The following PAPPA2 variants were observed in gnomAD, a reference collection of about 807,000 sequenced individuals.
PAPPA2 encodes pappalysin-2.
Under a neutral mutation model 176.4 loss-of-function variants are expected in PAPPA2, and 86 were observed. That is an observed-to-expected ratio of 0.49 (90% CI 0.41 to 0.58). The LOEUF (loss-of-function observed/expected upper bound fraction) is 0.58, where lower values mean the gene tolerates loss of function less well. Ranked by LOEUF, PAPPA2 falls within the 20% of genes least tolerant of loss-of-function variation. The pLI, the probability that PAPPA2 is intolerant of heterozygous loss-of-function variation, is 0.00. For synonymous variants in PAPPA2, 809 were observed against 852.2 expected (o/e 0.95, Z 0.88); for missense variants, 2,073 against 2,256.9 (o/e 0.92, Z 1.65).
At chr1:176,683,941 C>A (rs917364506) in intron 4 of PAPPA2, among the ~76,000 whole-genome samples, 18 of 152,140 alleles carry the variant, frequency 1.2e-4, no homozygotes, top group African/African-American at 4.3e-4. Context: ...CATTATTTCC[C>A]TTTGGTCTCT....
chr1:176,598,453 T>C (rs369047006), intron 3 of PAPPA2, among the ~76,000 whole-genome samples: 1 of 152,246 alleles, frequency 6.6e-6, no homozygotes, highest in East Asian at 1.9e-4. Context: ...CAATTGTATG[T>C]ATTATAGTAT....
Position 176,820,439 on chromosome 1 carries a change from G to A in PAPPA2, c.5203-19734G>A, listed in dbSNP as rs191296829. On this transcript the variant is annotated intron_variant, in intron 21 of 22. Transcript: ENST00000367662. Reference sequence around the variant, plus strand: ...GAGATCTAACCCATGGTGAGAGGCCGCCACTGAGGCAGCATTTCAGAATAG... The same window carrying A: ...GAGATCTAACCCATGGTGAGAGGCCACCACTGAGGCAGCATTTCAGAATAG... 1.2e-4 allele frequency among the ~76,000 whole-genome samples: 19 copies of A among 152,256 alleles called. 1 individual carries two copies. Among genetic ancestry groups the A allele is most frequent in the Admixed American group, 1.3e-4 (2 of 15,296 alleles).
intron 12 of PAPPA2, among the ~76,000 whole-genome samples, chr1:176,733,257 T>A (rs938178010): frequency 1.3e-5 from 2 of 152,182 alleles, no homozygotes; most frequent in African/African-American, 4.8e-5. Flanking sequence ...TATTTCTATA[T>A]CCATGATTGA....
intron 3 of PAPPA2, among the ~76,000 whole-genome samples, chr1:176,655,666 C>T (rs1317944292): frequency 6.6e-6 from 1 of 151,622 alleles, no homozygotes; most frequent in East Asian, 1.9e-4. Flanking sequence ...AAATGATAGA[C>T]AATGGAGACT....
At chr1:176,577,715 G>A (rs1378295650) in intron 2 of PAPPA2, among the ~76,000 whole-genome samples, 2 of 151,892 alleles carry the variant, frequency 1.3e-5, no homozygotes, top group Non-Finnish European at 2.9e-5. Context: ...TCTCTGGGGG[G>A]TCGGGGTGTT....
At chr1:176,710,879 C>T (rs1030921927) in intron 11 of PAPPA2, among the ~76,000 whole-genome samples, 3 of 152,100 alleles carry the variant, frequency 2.0e-5, no homozygotes, top group Non-Finnish European at 2.9e-5. Flanking sequence ...TCATCAAGGA[C>T]CCAGGGTCTC....
At chr1:176,599,288 T>C (rs540631771) in intron 3 of PAPPA2, among the ~76,000 whole-genome samples, 2 of 151,544 alleles carry the variant, frequency 1.3e-5, no homozygotes, top group African/African-American at 4.9e-5. Flanking sequence ...TGTAAGATTA[T>C]TTTTTAGGGA....
intron 22 of PAPPA2, 103 bp downstream of exon 22, chr1:176,840,374 C>A: frequency 1.1e-6 from 1 of 880,474 alleles, no homozygotes; most frequent in Non-Finnish European, 1.8e-6. Context: ...GGTTTGTATT[C>A]AACAATTAGG....
At position 176,789,921 on chromosome 1, in the gene PAPPA2, A is replaced by C. The variant is rs772636764; in HGVS notation, c.4828A>C (p.Asn1610His). 8 of 1,614,074 alleles carry C rather than the reference A, an allele frequency of 5.0e-6. No homozygotes were observed. In the African/African-American group the frequency reaches 1.1e-4, roughly 22 times the overall value. The change falls in exon 18 of 23, where the codon AAT (asparagine) becomes CAT (histidine). Residue 1610 changes from asparagine (N) to histidine (H), a missense_variant. Transcript: ENST00000367662. Reference sequence around the variant, plus strand: ...GTTTGAAGGCATGTATGAATGTACCAATGGCTTCAGCCTGGACAGCCAGTG... The same window carrying C: ...GTTTGAAGGCATGTATGAATGTACCCATGGCTTCAGCCTGGACAGCCAGTG... ...PVFEGMYECT[N>H]GFSLDSQCVL...
intron 6 of PAPPA2, among the ~76,000 whole-genome samples, chr1:176,694,236 T>C (rs768488236): frequency 3.9e-5 from 6 of 152,184 alleles, no homozygotes; most frequent in East Asian, 1.9e-4. Context: ...GTTTTGTTCA[T>C]GTTAGAAGTG....
intron 1 of PAPPA2, among the ~76,000 whole-genome samples, chr1:176,491,885 A>C: frequency 6.6e-6 from 1 of 152,224 alleles, no homozygotes; most frequent in Non-Finnish European, 1.5e-5. Flanking sequence ...ATGATTTAGC[A>C]AAGGTCACAT....
chr1:176,509,859 CAAAA>C (rs139282195), intron 1 of PAPPA2, among the ~76,000 whole-genome samples: 124 of 147,590 alleles, frequency 8.4e-4, no homozygotes, highest in African/African-American at 3.1e-3. Context: ...AACAAACAAA[CAAAA>C]AAAAACAACA....
At chr1:176,833,693 C>A (rs1165896492) in intron 21 of PAPPA2, among the ~76,000 whole-genome samples, 1 of 152,220 alleles carries the variant, frequency 6.6e-6, no homozygotes, top group Non-Finnish European at 1.5e-5. Flanking sequence ...ATTCTACTGC[C>A]TTGTCCTACT....
chr1:176,775,506 G>T (rs1251646787), intron 17 of PAPPA2, among the ~76,000 whole-genome samples: 4 of 152,084 alleles, frequency 2.6e-5, no homozygotes, highest in African/African-American at 9.7e-5. Flanking sequence ...TTATTCAACA[G>T]ACATTTATGC....
intron 6 of PAPPA2, among the ~76,000 whole-genome samples, chr1:176,693,261 T>G (rs1660208449): frequency 6.6e-6 from 1 of 152,214 alleles, no homozygotes; most frequent in South Asian, 2.1e-4. Context: ...TTACTTGCAC[T>G]TGTCTTATTT....
At chr1:176,477,263 T>C (rs1003496985) in intron 1 of PAPPA2, among the ~76,000 whole-genome samples, 3 of 152,148 alleles carry the variant, frequency 2.0e-5, no homozygotes, top group Non-Finnish European at 4.4e-5. Flanking sequence ...GGCTCAAGAA[T>C]TGGGGGATAT....
At chr1:176,660,154 A>G (rs1011040611) in intron 3 of PAPPA2, among the ~76,000 whole-genome samples, 1 of 152,100 alleles carries the variant, frequency 6.6e-6, no homozygotes, top group African/African-American at 2.4e-5. Flanking sequence ...GCACTGATCC[A>G]GGACAGATCT....
chr1:176,789,196 T>TAC (rs1489350316), intron 17 of PAPPA2, among the ~76,000 whole-genome samples: 2 of 152,266 alleles, frequency 1.3e-5, no homozygotes, highest in Non-Finnish European at 2.9e-5. Context: ...GTGGCACATA[T>TAC]ACACACCATG....
chr1:176,744,223 C>G (rs1317551685), intron 14 of PAPPA2, among the ~76,000 whole-genome samples: 1 of 152,144 alleles, frequency 6.6e-6, no homozygotes, highest in Admixed American at 6.6e-5. Context: ...ATGCCTGTGG[C>G]TTTGTATTCT....
Sources: gnomAD v4.1 joint callset for allele counts (sites outside exome capture counted in the v4.1 genomes callset) on GRCh38, gnomAD v4.1.1 for gene constraint, MANE v1.5 for transcripts, NCBI Gene and HGNC (gene_info 2026-07-23, HGNC 2026-07-21) for gene names.